PLB1: variants seen among roughly 807,000 people sequenced by gnomAD.
PLB1 encodes the protein phospholipase B1, also known as phospholipase B1, membrane-associated.
In PLB1, 242 loss-of-function variants were observed where a neutral mutation model predicts 227.4. The observed-to-expected ratio is 1.06, with a 90% CI of 0.96 to 1.18. The LOEUF (loss-of-function observed/expected upper bound fraction) is 1.18, where lower values mean the gene tolerates loss of function less well. Among genes scored for constraint, PLB1 ranks in the 50% most tolerant of loss-of-function variants. The probability of loss-of-function intolerance (pLI) is 0.00; values close to 1 mark genes in which losing one functional copy is unlikely to be tolerated. For synonymous variants in PLB1, 757 were observed against 682.2 expected, an observed-to-expected ratio of 1.11 and a Z score of -1.71; for missense variants, 1,858 against 1,816.3, an observed-to-expected ratio of 1.02 and a Z score of -0.42.
At chr2:28,519,456 C>T (rs1484790136) in intron 3 of PLB1, among the ~76,000 whole-genome samples, 3 of 152,148 alleles carry the variant, frequency 2.0e-5, no homozygotes, top group African/African-American at 7.2e-5. Context: ...CCATGGGTCA[C>T]CTGTTTGGAC....
intron 11 of PLB1, among the ~76,000 whole-genome samples, 170 bp from the exon 12 acceptor site, chr2:28,540,196 C>T (rs572837091): frequency 6.2e-4 from 94 of 152,098 alleles, no homozygotes; most frequent in African/African-American, 2.2e-3. Flanking sequence ...GAAGGGACCA[C>T]CCACCCTCTA....
chr2:28,596,710 C>T (rs1036065970), intron 33 of PLB1, among the ~76,000 whole-genome samples: 6 of 152,222 alleles, frequency 3.9e-5, no homozygotes, highest in Non-Finnish European at 7.3e-5. Flanking sequence ...CGCCCATCCA[C>T]GAGCAAGTTA....
At chr2:28,613,860 T>C (rs1353226502) in intron 43 of PLB1, among the ~76,000 whole-genome samples, 171 bp from the exon 44 acceptor site, 5 of 152,354 alleles carry the variant, frequency 3.3e-5, no homozygotes, top group African/African-American at 7.2e-5. Context: ...AAAGCTGTTA[T>C]GTAAAACCCT....
intron 14 of PLB1, 100 bp from the exon 15 acceptor site, chr2:28,548,760 C>G: frequency 8.7e-7 from 1 of 1,150,140 alleles, no homozygotes; most frequent in Admixed American, 1.9e-5. Context: ...AATGCGTTCC[C>G]TGGTACTGCT....
At chr2:28,552,657 T>C (rs1466540852) in intron 16 of PLB1, among the ~76,000 whole-genome samples, 1 of 152,170 alleles carries the variant, frequency 6.6e-6, no homozygotes, top group Non-Finnish European at 1.5e-5. Flanking sequence ...GCCATGATGC[T>C]GGTGAATCAT....
intron 56 of PLB1, among the ~76,000 whole-genome samples, chr2:28,634,049 C>T (rs752035802): frequency 2.3e-4 from 35 of 152,152 alleles, no homozygotes; most frequent in Non-Finnish European, 4.6e-4. Flanking sequence ...TTAGCTATAC[C>T]ATCTCCTCCT....
intron 43 of PLB1, among the ~76,000 whole-genome samples, chr2:28,607,444 C>T (rs1387047952): frequency 6.6e-6 from 1 of 152,154 alleles, no homozygotes; most frequent in African/African-American, 2.4e-5. Flanking sequence ...TGCCCTACCC[C>T]AGTCTTGGGC....
chr2:28,525,013 A>G (rs1275025034), intron 4 of PLB1, among the ~76,000 whole-genome samples: 1 of 151,916 alleles, frequency 6.6e-6, no homozygotes, highest in African/African-American at 2.4e-5. Context: ...ACACCTGGCT[A>G]ATTTTTGTAT....
chr2:28,571,840 A>G (rs1421063424), intron 20 of PLB1, among the ~76,000 whole-genome samples: 1 of 152,212 alleles, frequency 6.6e-6, no homozygotes, highest in African/African-American at 2.4e-5. Context: ...AACTCTAGGA[A>G]GAAAATACAG....
At chr2:28,598,092 A>G (rs1365718398) in intron 34 of PLB1, 44 bp downstream of exon 34, 12 of 1,551,538 alleles carry the variant, frequency 7.7e-6, no homozygotes, top group South Asian at 4.7e-5. Flanking sequence ...TGTTCCACCC[A>G]TCTGGCCCCT....
chr2:28,593,720 G>A lies in PLB1; in HGVS notation c.2287G>A (p.Asp763Asn), dbSNP rs376306732. Residue 763 changes from aspartate to asparagine, a missense_variant, in exon 33 of 58, where the codon GAT (aspartate) becomes AAT (asparagine). Coordinates refer to ENST00000327757, the MANE Select transcript of PLB1 (RefSeq NM_153021.5). ...GIGSKPDDLP[D>N]VTTQYRGLSY... ...TGGCTCCAAACCAGACGACCTCCCC[G>A]ATGTCACCACACAGTATCGGGGACT... The A allele has an allele frequency of 1.7e-5, 28 of 1,613,918 alleles. No homozygotes were observed. The highest frequency in any genetic ancestry group is 8.3e-5 in the Admixed American group (5 of 59,994).
intron 56 of PLB1, among the ~76,000 whole-genome samples, chr2:28,635,891 CA>C (rs1191666809): frequency 8.5e-5 from 13 of 152,338 alleles, no homozygotes; most frequent in African/African-American, 3.1e-4. Flanking sequence ...GTGACAGCTC[CA>C]GCCTCCTAAC....
chr2:28,613,849 C>CA (rs1001882373), intron 43 of PLB1, among the ~76,000 whole-genome samples, 182 bp from the exon 44 acceptor site: 17 of 152,212 alleles, frequency 1.1e-4, no homozygotes, highest in African/African-American at 4.1e-4. Context: ...CATCCCTTGC[C>CA]AAAGCTGTTA....
intron 20 of PLB1, among the ~76,000 whole-genome samples, chr2:28,569,180 C>T (rs1280387249): frequency 6.6e-6 from 1 of 152,200 alleles, no homozygotes; most frequent in Non-Finnish European, 1.5e-5. Context: ...GTTTCTTTCT[C>T]ACATCCTAGC....
chr2:28,565,614 C>T (rs913953712), intron 19 of PLB1, among the ~76,000 whole-genome samples: 1 of 152,186 alleles, frequency 6.6e-6, no homozygotes, highest in Non-Finnish European at 1.5e-5. Context: ...GCTTCTCTGG[C>T]TTCCATTTCT....
At chr2:28,516,910 GGA>G in intron 2 of PLB1, 41 bp downstream of exon 2, 1 of 1,587,064 alleles carries the variant, frequency 6.3e-7, no homozygotes, top group South Asian at 1.1e-5. Flanking sequence ...TGTATGGAGG[GGA>G]GAGGGAGGAT....
chr2:28,602,496 G>A (rs1450755114), intron 38 of PLB1, among the ~76,000 whole-genome samples: 1 of 152,252 alleles, frequency 6.6e-6, no homozygotes, highest in Non-Finnish European at 1.5e-5. Flanking sequence ...TTGGGCTGGA[G>A]GGAAGAGGTT....
intron 12 of PLB1, among the ~76,000 whole-genome samples, chr2:28,541,032 A>G (rs1206756958): frequency 6.6e-6 from 1 of 152,110 alleles, no homozygotes. Context: ...TTAGCTAGGC[A>G]TGGTAGCATG....
chr2:28,569,810 T>TA (rs909176605), intron 20 of PLB1, among the ~76,000 whole-genome samples: 8 of 151,134 alleles, frequency 5.3e-5, no homozygotes, highest in South Asian at 2.1e-4. Flanking sequence ...ACTAAAAATA[T>TA]AAAAAAATAG....
Sources: allele counts gnomAD v4.1 joint callset (sites outside exome capture counted in the v4.1 genomes callset), GRCh38; gene constraint gnomAD v4.1.1; transcripts MANE v1.5; gene names NCBI Gene and HGNC (gene_info 2026-07-23, HGNC 2026-07-21).